Variants in CEP128 observed in about 807,000 individuals in gnomAD.
CEP128 encodes centrosomal protein 128kDa.
CEP128 carries 132 observed loss-of-function variants against 156.7 expected under a neutral mutation model. The ratio of observed to expected loss-of-function variants is 0.84; its 90% CI spans 0.73 to 0.97. CEP128 has a LOEUF of 0.97. Among genes scored for constraint, CEP128 ranks in the 50% least tolerant of loss-of-function variants. The probability of loss-of-function intolerance (pLI) is 0.00; values close to 1 mark genes in which losing one functional copy is unlikely to be tolerated. For missense variants in CEP128, 1,252 were observed against 1,281.9 expected (o/e 0.98, Z 0.36); for synonymous variants, 469 against 448.9 (o/e 1.04, Z -0.57).
chr14:80,765,197 T>C (rs1900179862), intron 16 of CEP128, among the ~76,000 whole-genome samples: 1 of 152,212 alleles, frequency 6.6e-6, no homozygotes, highest in South Asian at 2.1e-4. Flanking sequence ...GAAATGTCAT[T>C]ACTTTTGTCC....
intron 13 of CEP128, chr14:80,822,664 G>A (rs1206293647): frequency 1.3e-6 from 1 of 763,854 alleles, no homozygotes; most frequent in Non-Finnish European, 2.4e-6. Flanking sequence ...CCCCTGCAAA[G>A]AAGGGAGAGA....
intron 9 of CEP128, among the ~76,000 whole-genome samples, chr14:80,855,180 G>T (rs1196314066): frequency 6.6e-6 from 1 of 152,120 alleles, no homozygotes; most frequent in African/African-American, 2.4e-5. Flanking sequence ...GTCCTGTTGT[G>T]ATAGTGCTTT....
chr14:80,617,973 T>C (rs1893298771), intron 19 of CEP128, among the ~76,000 whole-genome samples: 1 of 152,330 alleles, frequency 6.6e-6, no homozygotes, highest in African/African-American at 2.4e-5. Flanking sequence ...ACTCTAGCTT[T>C]TTCATCTATA....
intron 22 of CEP128, among the ~76,000 whole-genome samples, chr14:80,530,015 G>T (rs1035754072): frequency 2.6e-5 from 4 of 152,128 alleles, no homozygotes; most frequent in Non-Finnish European, 5.9e-5. Flanking sequence ...TAATATGTCA[G>T]ATCTAAACAG....
chr14:80,680,137 C>T lies in CEP128; in HGVS notation c.2806+62938G>A, dbSNP rs542824883. On this transcript the variant is annotated intron_variant, in intron 19 of 24. Transcript: ENST00000555265. ...GTGTGGAAAGTGCCTCAGTAGCAAG[C>T]GCTGGAATTCGGCTCTCCCCTGCAG... Among the ~76,000 whole-genome samples the T allele has an allele frequency of 1.3e-4, 20 of 152,230 alleles. No homozygotes were observed. The South Asian group carries it at 1.9e-3, about 14-fold the overall frequency.
chr14:80,793,672 TATCTC>T (rs1901836153), intron 13 of CEP128, among the ~76,000 whole-genome samples: 1 of 152,206 alleles, frequency 6.6e-6, no homozygotes. Context: ...TTGAAGCACT[TATCTC>T]AAGCTGATAT....
intron 19 of CEP128, among the ~76,000 whole-genome samples, chr14:80,685,765 T>C (rs547444134): frequency 6.6e-6 from 1 of 152,008 alleles, no homozygotes; most frequent in Admixed American, 6.6e-5. Flanking sequence ...ACCAGACACA[T>C]GGAACAATAG....
At chr14:80,576,649 G>A (rs868428821) in intron 20 of CEP128, among the ~76,000 whole-genome samples, 2 of 127,170 alleles carry the variant, frequency 1.6e-5, no homozygotes, top group African/African-American at 2.8e-5. Context: ...GTGTGTGTGT[G>A]TGTGTCTGTG....
At chr14:80,875,053 T>C (rs1888216547) in intron 8 of CEP128, among the ~76,000 whole-genome samples, 1 of 152,222 alleles carries the variant, frequency 6.6e-6, no homozygotes, top group South Asian at 2.1e-4. Flanking sequence ...ATCAGCTCAT[T>C]TCAGAAAAGG....
At chr14:80,811,632 C>A (rs1455581172) in intron 13 of CEP128, among the ~76,000 whole-genome samples, 1 of 151,286 alleles carries the variant, frequency 6.6e-6, no homozygotes, top group Non-Finnish European at 1.5e-5. Flanking sequence ...AGGGCAGAAA[C>A]CCTAGTTTGT....
chr14:80,609,822 CT>C (rs201875018), intron 19 of CEP128, among the ~76,000 whole-genome samples: 2 of 150,494 alleles, frequency 1.3e-5, no homozygotes, highest in African/African-American at 2.4e-5. Context: ...GTACTGATTT[CT>C]TTTTTTTTAA....
chr14:80,683,854 C>G (rs1896420141), intron 19 of CEP128, among the ~76,000 whole-genome samples: 1 of 151,976 alleles, frequency 6.6e-6, no homozygotes, highest in Non-Finnish European at 1.5e-5. Flanking sequence ...AAAAAACTTG[C>G]TCCTGAATGA....
intron 19 of CEP128, among the ~76,000 whole-genome samples, chr14:80,585,539 C>G (rs1459456652): frequency 6.6e-6 from 1 of 152,156 alleles, no homozygotes; most frequent in African/African-American, 2.4e-5. Context: ...AATGCCTCAT[C>G]CATATTACAA....
chr14:80,768,815 C>T (rs560386423), intron 16 of CEP128, among the ~76,000 whole-genome samples: 26 of 152,264 alleles, frequency 1.7e-4, no homozygotes, highest in Admixed American at 5.9e-4. Context: ...ATCATTCTGC[C>T]TCAGGCTTTT....
chr14:80,688,386 A>G (rs1234229308), intron 19 of CEP128, among the ~76,000 whole-genome samples: 1 of 152,156 alleles, frequency 6.6e-6, no homozygotes. Flanking sequence ...AGCCTTGCCA[A>G]CAAGTATAAA....
chr14:80,801,737 T>C (rs926612662), intron 13 of CEP128, among the ~76,000 whole-genome samples: 2 of 151,150 alleles, frequency 1.3e-5, no homozygotes. Context: ...TGAAACCCCG[T>C]CTCTACTAAA....
At chr14:80,804,804 C>A (rs1328359709) in intron 13 of CEP128, among the ~76,000 whole-genome samples, 1 of 151,966 alleles carries the variant, frequency 6.6e-6, no homozygotes, top group Non-Finnish European at 1.5e-5. Context: ...GGAGTAGATG[C>A]TTTAAAAAAT....
In CEP128 at chr14:80,905,972, T is replaced by C; in HGVS notation, c.344A>G (p.Asp115Gly). ...SVTSLSASDL[D>G]GGTGSELHHF... ...GTGTTTACCTGACCCAGTGCCACCA[T>C]CAAGGTCACTTGCACTCAAACTTGT... The change falls in exon 5 of 25, where the codon GAT becomes GGT. Residue 115 changes from aspartate to glycine, a missense_variant. Asp to Gly is a moderately conservative substitution (Grantham distance 94, BLOSUM62 -1). Coordinates refer to ENST00000555265, the MANE Select transcript of CEP128 (RefSeq NM_152446.5). 6.2e-7 allele frequency: 1 copy of C among 1,612,750 alleles called. No homozygotes were observed. Among genetic ancestry groups the C allele is most frequent in the Non-Finnish European group, 8.5e-7 (1 of 1,179,496 alleles).
chr14:80,515,299 C>T (rs370015275), intron 23 of CEP128, among the ~76,000 whole-genome samples: 36 of 152,258 alleles, frequency 2.4e-4, no homozygotes, highest in African/African-American at 8.7e-4. Flanking sequence ...TCTGCCCCAG[C>T]CCAGGGCAGA....
Sources: gnomAD v4.1 joint callset for allele counts (sites outside exome capture counted in the v4.1 genomes callset) on GRCh38, gnomAD v4.1.1 for gene constraint, MANE v1.5 for transcripts, NCBI Gene and HGNC (gene_info 2026-07-23, HGNC 2026-07-21) for gene names.